The following DGKB variants were observed in gnomAD, a reference collection of about 807,000 sequenced individuals.
DGKB encodes 90 kDa diacylglycerol kinase.
Under a neutral mutation model 114.3 loss-of-function variants are expected in DGKB, and 67 were observed. The observed-to-expected ratio is 0.59, with a 90% CI of 0.48 to 0.72. The LOEUF is 0.72. Among genes scored for constraint, DGKB ranks in the 30% least tolerant of loss-of-function variants. The probability of loss-of-function intolerance (pLI) is 0.00; values close to 1 mark genes in which losing one functional copy is unlikely to be tolerated. For synonymous variants in DGKB, 398 were observed against 323.1 expected, an observed-to-expected ratio of 1.23 and a Z score of -2.49; for missense variants, 907 against 975.2, an observed-to-expected ratio of 0.93 and a Z score of 0.93.
chr7:14,635,445 G>T (rs1398448693), intron 13 of DGKB, among the ~76,000 whole-genome samples: 1 of 151,238 alleles, frequency 6.6e-6, no homozygotes, highest in African/African-American at 2.4e-5. Context: ...TTAGAAGAAA[G>T]AAAGAACAAA....
At chr7:14,603,317 G>T (rs894177678) in intron 17 of DGKB, among the ~76,000 whole-genome samples, 1 of 152,008 alleles carries the variant, frequency 6.6e-6, no homozygotes, top group African/African-American at 2.4e-5. Flanking sequence ...TATTAGTAAA[G>T]AAAATTTTTT....
At chr7:14,174,567 T>C (rs564260578) in intron 25 of DGKB, among the ~76,000 whole-genome samples, 24 of 152,274 alleles carry the variant, frequency 1.6e-4, no homozygotes, top group African/African-American at 5.8e-4. Context: ...ACTTATTCTT[T>C]TGTTACCAAG....
chr7:14,968,447 G>C (rs531617602), intron 1 of DGKB, among the ~76,000 whole-genome samples: 7 of 152,246 alleles, frequency 4.6e-5, no homozygotes, highest in African/African-American at 1.4e-4. Flanking sequence ...AAGATTTCAA[G>C]AGGGCTCTTT....
At chr7:14,595,734 C>T (rs999741396) in intron 17 of DGKB, among the ~76,000 whole-genome samples, 10 of 151,704 alleles carry the variant, frequency 6.6e-5, no homozygotes, top group Admixed American at 3.3e-4. Flanking sequence ...CTTAATGCTT[C>T]GTTTTTACAT....
chr7:14,530,827 A>T (rs1205286720), intron 20 of DGKB, among the ~76,000 whole-genome samples: 1 of 151,574 alleles, frequency 6.6e-6, no homozygotes, highest in African/African-American at 2.4e-5. Flanking sequence ...TAAGACAAAG[A>T]TGCTAGCAGA....
At chr7:14,372,756 T>A (rs903414969) in intron 21 of DGKB, among the ~76,000 whole-genome samples, 18 of 152,144 alleles carry the variant, frequency 1.2e-4, no homozygotes, top group African/African-American at 4.3e-4. Flanking sequence ...AAACTATATA[T>A]AAATAGTATA....
chr7:14,313,793 G>C (rs1316532921), intron 23 of DGKB, among the ~76,000 whole-genome samples: 1 of 152,180 alleles, frequency 6.6e-6, no homozygotes, highest in Non-Finnish European at 1.5e-5. Context: ...GCTCAAGGAG[G>C]CCTGCCTGCC....
chr7:14,559,005 C>G (rs1339830975), intron 20 of DGKB, among the ~76,000 whole-genome samples: 1 of 152,208 alleles, frequency 6.6e-6, no homozygotes, highest in Non-Finnish European at 1.5e-5. Flanking sequence ...CTGCATGTCC[C>G]TATTTTCTTA....
At chr7:14,588,597 C>T (rs916447032) in intron 17 of DGKB, among the ~76,000 whole-genome samples, 3 of 152,106 alleles carry the variant, frequency 2.0e-5, no homozygotes, top group African/African-American at 7.2e-5. Flanking sequence ...TTCTTACTCC[C>T]TTTCATCCTT....
At chr7:14,955,162 T>C (rs1202845524) in intron 1 of DGKB, among the ~76,000 whole-genome samples, 1 of 151,936 alleles carries the variant, frequency 6.6e-6, no homozygotes, top group Non-Finnish European at 1.5e-5. Context: ...AGGAGATAAA[T>C]GTGGACATTT....
At chr7:14,163,029 G>A (rs922643371) in intron 25 of DGKB, among the ~76,000 whole-genome samples, 1 of 151,710 alleles carries the variant, frequency 6.6e-6, no homozygotes, top group African/African-American at 2.4e-5. Flanking sequence ...TTCATGTTTT[G>A]TACTAATAGG....
chr7:14,749,827 T>G (rs1833860328), intron 4 of DGKB, among the ~76,000 whole-genome samples: 1 of 152,148 alleles, frequency 6.6e-6, no homozygotes, highest in African/African-American at 2.4e-5. Flanking sequence ...ATAAGATCAG[T>G]TTTTAATTAT....
intron 21 of DGKB, among the ~76,000 whole-genome samples, chr7:14,455,400 A>T (rs1832131740): frequency 6.6e-6 from 1 of 151,978 alleles, no homozygotes; most frequent in African/African-American, 2.4e-5. Context: ...CAGATGTGGC[A>T]TTTTTGCATA....
chr7:14,501,287 G>T (rs557957408), intron 20 of DGKB, among the ~76,000 whole-genome samples: 2 of 151,934 alleles, frequency 1.3e-5, no homozygotes, highest in South Asian at 2.1e-4. Flanking sequence ...AATTAATAGG[G>T]ATCTTCTTAA....
At position 14,569,308 on chromosome 7, in the gene DGKB, A is replaced by G. The variant is rs115050796; in HGVS notation, c.1770+4904T>C. On this transcript the variant is annotated intron_variant, in intron 20 of 25. Transcript: ENST00000402815. ...AAGTCAAAGGAAACAAGACCCTTTA[A>G]AAGAAAACTCAGTCAAAGCCACCTT... Among the ~76,000 whole-genome samples the G allele has an allele frequency of 4.5e-3, 684 of 152,322 alleles. 5 individuals are homozygous for G. The highest frequency in any genetic ancestry group is 0.016 in the African/African-American group (667 of 41,564).
At chr7:14,522,779 G>T (rs1322877074) in intron 20 of DGKB, among the ~76,000 whole-genome samples, 2 of 152,176 alleles carry the variant, frequency 1.3e-5, no homozygotes, top group East Asian at 3.8e-4. Context: ...TTTGGGGAAA[G>T]AATTTGTCAG....
intron 21 of DGKB, among the ~76,000 whole-genome samples, chr7:14,477,540 G>C (rs1435989821): frequency 6.6e-6 from 1 of 152,162 alleles, no homozygotes; most frequent in Non-Finnish European, 1.5e-5. Flanking sequence ...TAGAAATGGG[G>C]AAGATACGGA....
intron 23 of DGKB, among the ~76,000 whole-genome samples, chr7:14,292,584 C>T (rs140175771): frequency 1.2e-3 from 183 of 152,300 alleles, no homozygotes; most frequent in African/African-American, 4.3e-3. Context: ...ACCATTCCGT[C>T]TTTGGGAGTA....
At chr7:14,952,346 A>T (rs995052934) in intron 1 of DGKB, among the ~76,000 whole-genome samples, 4 of 152,038 alleles carry the variant, frequency 2.6e-5, no homozygotes, top group African/African-American at 9.7e-5. Flanking sequence ...AGTCATAGCA[A>T]ACTGATATAA....
Sources: gnomAD v4.1 joint callset for allele counts (sites outside exome capture counted in the v4.1 genomes callset) on GRCh38, gnomAD v4.1.1 for gene constraint, MANE v1.5 for transcripts, NCBI Gene and HGNC (gene_info 2026-07-23, HGNC 2026-07-21) for gene names.